The following IYD variants were observed in gnomAD, a reference collection of about 807,000 sequenced individuals.
IYD encodes the protein iodotyrosine deiodinase 1.
In IYD, 25 loss-of-function variants were observed where a neutral mutation model predicts 28.4. The observed-to-expected ratio is 0.88, with a 90% CI of 0.64 to 1.23. The LOEUF (loss-of-function observed/expected upper bound fraction) is 1.23. Among genes scored for constraint, IYD ranks in the 50% most tolerant of loss-of-function variants. IYD has a pLI of 0.00. For missense variants in IYD, 352 were observed against 357.9 expected (o/e 0.98, Z 0.13); for synonymous variants, 140 against 130.8 (o/e 1.07, Z -0.48).
At position 150,403,002 on chromosome 6, in the gene IYD, A is replaced by T. The variant is rs1265644030; in HGVS notation, c.*4765A>T. 1 of 152,204 alleles carries T rather than the reference A, an allele frequency of 6.6e-6. No individual in the cohort carries two copies. Among genetic ancestry groups the T allele is most frequent in the East Asian group, 1.9e-4 (1 of 5,190 alleles). The allele number at this position is 152,204 out of a possible 1,614,324, so 9.4% of individuals were successfully genotyped here. A position where few individuals can be genotyped will look rare whatever the true frequency, so the allele number is the denominator to read the frequency against. On this transcript the variant is annotated 3_prime_UTR_variant, in exon 5 of 5. Transcript: ENST00000344419. ...GAATGCAGTGGTGTGATTATAGCTC[A>T]CTGCAGCCTCCAACTTCTGGACTCA...
chr6:150,384,797 C>A (rs987441271), intron 1 of IYD: 2 of 152,152 alleles, frequency 1.3e-5, no homozygotes, highest in African/African-American at 4.8e-5. Context: ...GTCTTCAGAA[C>A]TCTTGTTTGT....
chr6:150,387,448 A>AG (rs1554231324), intron 1 of IYD, among the ~76,000 whole-genome samples: 1 of 142,542 alleles, frequency 7.0e-6, no homozygotes, highest in Non-Finnish European at 1.6e-5. Flanking sequence ...AAAAAAAAAA[A>AG]GAATTTACCA....
At chr6:150,392,536 C>T in intron 3 of IYD, 32 bp downstream of exon 3, 4 of 1,610,038 alleles carry the variant, frequency 2.5e-6, no homozygotes, top group South Asian at 1.1e-5. Flanking sequence ...GGGATGTTTG[C>T]CTTGGCCTCT....
chr6:150,391,233 CAAAAAA>C (rs3842126), intron 2 of IYD, among the ~76,000 whole-genome samples: 15 of 114,148 alleles, frequency 1.3e-4, no homozygotes, highest in African/African-American at 3.6e-4. Context: ...GAGACGCCAT[CAAAAAA>C]AAAAAAAAAA....
chr6:150,372,344 A>G (rs1399411766), intron 1 of IYD, among the ~76,000 whole-genome samples: 1 of 91,460 alleles, frequency 1.1e-5, no homozygotes, highest in Admixed American at 1.4e-4. Context: ...TGGTGAGGGA[A>G]CATTGTGTGT....
chr6:150,395,726 C>T (rs1205271811), intron 4 of IYD: 33 of 715,630 alleles, frequency 4.6e-5, no homozygotes, highest in East Asian at 3.5e-4. Flanking sequence ...GTCTGATAAG[C>T]GCGCCATGCA....
chr6:150,396,675 C>T, intron 4 of IYD: 1 of 381,128 alleles, frequency 2.6e-6, no homozygotes, highest in South Asian at 3.9e-5. Flanking sequence ...GAGATCGAGA[C>T]CATCCTGGCT....
intron 4 of IYD, chr6:150,395,899 C>A: frequency 1.9e-6 from 1 of 540,286 alleles, no homozygotes; most frequent in Admixed American, 3.1e-5. Flanking sequence ...GATGGGGTAC[C>A]CCTTGGCCAC....
At chr6:150,395,496 C>T (rs1385379352) in intron 4 of IYD, 1 of 1,537,162 alleles carries the variant, frequency 6.5e-7, no homozygotes, top group East Asian at 2.4e-5. Context: ...CTGCGAGGCA[C>T]CGCCACCTGA....
At position 150,399,811 on chromosome 6, in the gene IYD, G is replaced by A. The variant is rs560878398; in HGVS notation, c.*1574G>A. 1 of 152,166 alleles carries A rather than the reference G, an allele frequency of 6.6e-6. No homozygotes were observed. Among genetic ancestry groups the A allele is most frequent in the Non-Finnish European group, 1.5e-5 (1 of 68,054 alleles). The allele number at this position is 152,166 out of a possible 1,614,324, so 9.4% of individuals were successfully genotyped here. On this transcript the variant is annotated 3_prime_UTR_variant, in exon 5 of 5. Coordinates refer to ENST00000344419, the MANE Select transcript of IYD (RefSeq NM_203395.3). The stretch of plus-strand genomic sequence containing the variant: ...GGTAGAAAGAGGGTTAGAGCCTCTG[G>A]CATGCCTTTTATAAGGGTACTAATC...
chr6:150,394,310 G>A, intron 4 of IYD, 55 bp downstream of exon 4: 1 of 1,596,336 alleles, frequency 6.3e-7, no homozygotes, highest in Non-Finnish European at 8.6e-7. Flanking sequence ...TTTCAGCTGA[G>A]TTTTCAATTC....
chr6:150,376,102 G>A (rs1196070787), intron 1 of IYD, among the ~76,000 whole-genome samples: 4 of 152,154 alleles, frequency 2.6e-5, no homozygotes, highest in African/African-American at 9.7e-5. Context: ...AGCGATTGTA[G>A]GGACCAAGGG....
intron 4 of IYD, among the ~76,000 whole-genome samples, chr6:150,395,023 A>T (rs1046779501): frequency 1.3e-5 from 2 of 152,180 alleles, no homozygotes; most frequent in African/African-American, 4.8e-5. Context: ...GAGTTTTGCC[A>T]TATTGCCTAG....
intron 4 of IYD, chr6:150,396,047 A>T (rs1220065828): frequency 8.5e-6 from 2 of 236,284 alleles, no homozygotes; most frequent in Non-Finnish European, 8.2e-6. Context: ...AATATATTAA[A>T]TACCAAGAGC....
rs965059941 is a variant in IYD at position 150,400,524 on chromosome 6, C to G, written c.*2287C>G. Reference sequence around the variant, plus strand: ...AGTCTTACACCTAATTTTCAGTTTACAGTAAATACAGAGGATAAAGAAGTT... The same window carrying G: ...AGTCTTACACCTAATTTTCAGTTTAGAGTAAATACAGAGGATAAAGAAGTT... On this transcript the variant is annotated 3_prime_UTR_variant, in exon 5 of 5. Coordinates refer to ENST00000344419, the MANE Select transcript of IYD (RefSeq NM_203395.3). The G allele has an allele frequency of 1.3e-5, 2 of 152,028 alleles. No individual in the cohort carries two copies. Among genetic ancestry groups the G allele is most frequent in the Non-Finnish European group, 2.9e-5 (2 of 68,028 alleles). 9.4% of individuals were successfully genotyped at this position (152,028 alleles called of 1,614,324 possible). A position where few individuals can be genotyped will look rare whatever the true frequency, so the allele number is the denominator to read the frequency against.
At chr6:150,394,797 C>T (rs549540578) in intron 4 of IYD, among the ~76,000 whole-genome samples, 124 of 152,336 alleles carry the variant, frequency 8.1e-4, no homozygotes, top group Non-Finnish European at 1.5e-3. Context: ...ATTCACTCAA[C>T]AGTGCATTCA....
chr6:150,381,805 G>A (rs1256871186), intron 1 of IYD, among the ~76,000 whole-genome samples: 1 of 152,142 alleles, frequency 6.6e-6, no homozygotes, highest in Non-Finnish European at 1.5e-5. Flanking sequence ...AAGCAGGTTA[G>A]GCATGTAACT....
At chr6:150,375,270 A>G (rs150445851) in intron 1 of IYD, among the ~76,000 whole-genome samples, 76 of 152,228 alleles carry the variant, frequency 5.0e-4, no homozygotes, top group African/African-American at 1.6e-3. Flanking sequence ...AGGATTTTTT[A>G]GAGTTTTGGG....
rs529538163 is a variant in IYD at position 150,386,739 on chromosome 6, G to A, written c.179-2613G>A. Among the ~76,000 whole-genome samples, 7 of 152,088 alleles carry A rather than the reference G, an allele frequency of 4.6e-5. No individual in the cohort carries two copies. The East Asian group carries it at 1.2e-3, about 25-fold the overall frequency. ...TTATGTTTTCCCAGTAAATTAAATT[G>A]TATTATTATAAACTGACCCTTTTTA... is the stretch of plus-strand genomic sequence containing the variant. On this transcript the variant is annotated intron_variant, in intron 1 of 4. Coordinates refer to ENST00000344419, the MANE Select transcript of IYD (RefSeq NM_203395.3).
Sources: gnomAD v4.1 joint callset for allele counts (sites outside exome capture counted in the v4.1 genomes callset) on GRCh38, gnomAD v4.1.1 for gene constraint, MANE v1.5 for transcripts, NCBI Gene and HGNC (gene_info 2026-07-23, HGNC 2026-07-21) for gene names.